ANXA10: variants seen among roughly 807,000 people sequenced by gnomAD.
The protein encoded by ANXA10 is annexin A10.
ANXA10 carries 49 observed loss-of-function variants against 53.5 expected under a neutral mutation model. The observed-to-expected ratio is 0.92, with a 90% CI of 0.73 to 1.16. The LOEUF (loss-of-function observed/expected upper bound fraction) is 1.16, where lower values mean the gene tolerates loss of function less well. Among genes scored for constraint, ANXA10 ranks in the 50% most tolerant of loss-of-function variants. The probability of loss-of-function intolerance (pLI) is 0.00; values close to 1 mark genes in which losing one functional copy is unlikely to be tolerated. For missense variants in ANXA10, 393 were observed against 394.4 expected, an observed-to-expected ratio of 1.00 and a Z score of 0.03; for synonymous variants, 131 against 128.9, an observed-to-expected ratio of 1.02 and a Z score of -0.11.
Position 168,179,153 on chromosome 4 carries a change from A to G in ANXA10, c.629-64A>G, listed in dbSNP as rs926614185. 4 of 1,000,102 alleles carry G rather than the reference A, an allele frequency of 4.0e-6. No individual in the cohort carries two copies. The African/African-American group carries it at 6.5e-5, about 16-fold the overall frequency. The allele number at this position is 1,000,102 out of a possible 1,614,324, so 62.0% of individuals were successfully genotyped here. A position where few individuals can be genotyped will look rare whatever the true frequency, so the allele number is the denominator to read the frequency against. On this transcript the variant is annotated intron_variant, in intron 8 of 11. Coordinates refer to ENST00000359299, the MANE Select transcript of ANXA10 (RefSeq NM_007193.5). Reference sequence around the variant, plus strand: ...AAAATATGGATTTTTACTATGTGTAACAATCTAATATTTGTATTATAATAT... The same window carrying G: ...AAAATATGGATTTTTACTATGTGTAGCAATCTAATATTTGTATTATAATAT...
At chr4:168,143,729 G>A (rs1373810162) in intron 3 of ANXA10, among the ~76,000 whole-genome samples, 3 of 152,162 alleles carry the variant, frequency 2.0e-5, no homozygotes, top group Non-Finnish European at 4.4e-5. Context: ...GGGACTATCC[G>A]GTCTAAAATA....
intron 2 of ANXA10, among the ~76,000 whole-genome samples, chr4:168,128,926 T>G (rs765736556): frequency 3.7e-4 from 56 of 151,834 alleles, no homozygotes; most frequent in Non-Finnish European, 7.4e-4. Context: ...GGAGGACAAT[T>G]TTGGGATTCT....
intron 1 of ANXA10, among the ~76,000 whole-genome samples, chr4:168,100,003 T>C (rs549066943): frequency 6.6e-6 from 1 of 152,272 alleles, no homozygotes; most frequent in South Asian, 2.1e-4. Context: ...ATAATCTAGG[T>C]TCATTTCCTT....
At chr4:168,165,377 A>T in intron 6 of ANXA10, 51 bp downstream of exon 6, 7 of 841,856 alleles carry the variant, frequency 8.3e-6, no homozygotes, top group Non-Finnish European at 1.0e-5. Context: ...GCAAATAAGT[A>T]TATGTCATTG....
intron 6 of ANXA10, among the ~76,000 whole-genome samples, chr4:168,165,775 C>T (rs192904790): frequency 1.2e-3 from 184 of 152,206 alleles, no homozygotes; most frequent in African/African-American, 3.9e-3. Flanking sequence ...CTCCTGGGTT[C>T]AAGTGATTTT....
intron 3 of ANXA10, among the ~76,000 whole-genome samples, chr4:168,143,607 G>C (rs1173366132): frequency 6.6e-6 from 1 of 152,112 alleles, no homozygotes; most frequent in African/African-American, 2.4e-5. Context: ...TGACACCAAG[G>C]GAACAATGAA....
At position 168,178,120 on chromosome 4, in the gene ANXA10, T is replaced by C. The variant is rs946950699; in HGVS notation, c.628+137T>C. On this transcript the variant is annotated intron_variant, in intron 8 of 11. Coordinates refer to ENST00000359299, the MANE Select transcript of ANXA10 (RefSeq NM_007193.5). ...TATCTCAAAGGTACTTATTTTGAAT[T>C]TTGTTTATAAGATGTGCCTTATTTA... The C allele has an allele frequency of 1.8e-4, 130 of 740,162 alleles. No homozygotes were observed. The Admixed American group carries it at 2.1e-3, about 12-fold the overall frequency. 45.8% of individuals were successfully genotyped at this position (740,162 alleles called of 1,614,324 possible).
intron 5 of ANXA10, among the ~76,000 whole-genome samples, chr4:168,164,784 T>C (rs1371962152): frequency 6.6e-6 from 1 of 152,198 alleles, no homozygotes; most frequent in Non-Finnish European, 1.5e-5. Context: ...CCTTAAGTTC[T>C]ATTGCGTTAT....
At chr4:168,110,067 CAGA>C (rs1465844414) in intron 1 of ANXA10, among the ~76,000 whole-genome samples, 1 of 152,052 alleles carries the variant, frequency 6.6e-6, no homozygotes, top group Non-Finnish European at 1.5e-5. Context: ...AAGAATTAGC[CAGA>C]CGTGGTGGCG....
intron 6 of ANXA10, among the ~76,000 whole-genome samples, chr4:168,174,653 A>G (rs1732084174): frequency 6.6e-6 from 1 of 152,232 alleles, no homozygotes; most frequent in Non-Finnish European, 1.5e-5. Context: ...CAGAAAAAAA[A>G]TCCTGTGTCA....
At chr4:168,139,854 T>A (rs1731299166) in intron 3 of ANXA10, among the ~76,000 whole-genome samples, 1 of 152,194 alleles carries the variant, frequency 6.6e-6, no homozygotes, top group Admixed American at 6.5e-5. Flanking sequence ...ATGAAAAGTT[T>A]TGATGAACTT....
intron 3 of ANXA10, among the ~76,000 whole-genome samples, chr4:168,144,643 A>T (rs1438167935): frequency 6.6e-6 from 1 of 152,230 alleles, no homozygotes; most frequent in Non-Finnish European, 1.5e-5. Flanking sequence ...CCGGAAAGCT[A>T]TTATGTCCCA....
intron 1 of ANXA10, among the ~76,000 whole-genome samples, chr4:168,097,935 C>T (rs557931398): frequency 5.3e-4 from 80 of 152,146 alleles, no homozygotes; most frequent in African/African-American, 1.8e-3. Flanking sequence ...TGTAGAATCA[C>T]TTGCATTTTT....
intron 2 of ANXA10, among the ~76,000 whole-genome samples, chr4:168,128,495 T>G (rs980950799): frequency 3.3e-5 from 5 of 152,162 alleles, no homozygotes; most frequent in Non-Finnish European, 1.5e-5. Flanking sequence ...CCTTTGCTTC[T>G]GTTTTCTAGC....
At chr4:168,125,850 G>A (rs1279260925) in intron 1 of ANXA10, among the ~76,000 whole-genome samples, 1 of 152,054 alleles carries the variant, frequency 6.6e-6, no homozygotes, top group Non-Finnish European at 1.5e-5. Flanking sequence ...TCTTCTAAAA[G>A]GAGAGTATTC....
At chr4:168,123,731 G>T (rs1216618446) in intron 1 of ANXA10, among the ~76,000 whole-genome samples, 3 of 152,132 alleles carry the variant, frequency 2.0e-5, no homozygotes, top group South Asian at 4.1e-4. Flanking sequence ...GAGAGCCATT[G>T]TCAGCATGTT....
At chr4:168,097,006 G>C (rs1730560492) in intron 1 of ANXA10, among the ~76,000 whole-genome samples, 1 of 146,964 alleles carries the variant, frequency 6.8e-6, no homozygotes, top group Non-Finnish European at 1.5e-5. Context: ...ATTTTATAAA[G>C]AAATTTGAGA....
intron 2 of ANXA10, among the ~76,000 whole-genome samples, chr4:168,131,410 T>C (rs1290823431): frequency 6.6e-6 from 1 of 152,032 alleles, no homozygotes; most frequent in Non-Finnish European, 1.5e-5. Context: ...TTTTGGTTAA[T>C]GCTCCATGTA....
intron 1 of ANXA10, among the ~76,000 whole-genome samples, chr4:168,109,490 A>G (rs1361968847): frequency 6.6e-6 from 1 of 152,218 alleles, no homozygotes; most frequent in Non-Finnish European, 1.5e-5. Context: ...ACTTAAGTAC[A>G]TGTTAGGAAA....
Sources: allele counts gnomAD v4.1 joint callset (sites outside exome capture counted in the v4.1 genomes callset), GRCh38; gene constraint gnomAD v4.1.1; transcripts MANE v1.5; gene names NCBI Gene and HGNC (gene_info 2026-07-23, HGNC 2026-07-21).